ABRAXAS2: variants seen among roughly 807,000 people sequenced by gnomAD.
ABRAXAS2 encodes BRISC complex subunit Abraxas 2.
Under a neutral mutation model 49.0 loss-of-function variants are expected in ABRAXAS2, and 23 were observed. The observed-to-expected ratio is 0.47, with a 90% CI of 0.34 to 0.66. The LOEUF is 0.66. ABRAXAS2 is among the 30% of genes least tolerant of loss of function. The probability of loss-of-function intolerance (pLI) is 0.01; values close to 1 mark genes in which losing one functional copy is unlikely to be tolerated. For missense variants in ABRAXAS2, 443 were observed against 511.9 expected, an observed-to-expected ratio of 0.87 and a Z score of 1.30; for synonymous variants, 168 against 180.2, an observed-to-expected ratio of 0.93 and a Z score of 0.54.
intron 3 of ABRAXAS2, among the ~76,000 whole-genome samples, chr10:124,817,743 C>T (rs1177154496): frequency 6.6e-6 from 1 of 152,124 alleles, no homozygotes; most frequent in Non-Finnish European, 1.5e-5. Flanking sequence ...GTGTCATATT[C>T]ACCCTCGAAC....
chr10:124,808,359 G>A (rs759367686), intron 2 of ABRAXAS2, among the ~76,000 whole-genome samples: 3 of 152,070 alleles, frequency 2.0e-5, no homozygotes, highest in Non-Finnish European at 4.4e-5. Context: ...TGTATTTTTA[G>A]TAGAGACGGG....
rs564703763 is a variant in ABRAXAS2, at chr10:124,836,177, C to T, written c.*1206C>T. On this transcript the variant is annotated 3_prime_UTR_variant, in exon 9 of 9. Coordinates refer to ENST00000298492, the MANE Select transcript of ABRAXAS2 (RefSeq NM_032182.4). ...CATGAGGTTAATACTTGGAGTTTAA[C>T]TGCCTTCCCTTTGAACTAGTTAAAA... 33 of 152,750 alleles carry T rather than the reference C, an allele frequency of 2.2e-4. No individual in the cohort carries two copies. The highest frequency in any genetic ancestry group is 7.7e-4 in the African/African-American group (32 of 41,578). 9.5% of individuals were successfully genotyped at this position (152,750 alleles called of 1,614,324 possible).
At position 124,836,224 on chromosome 10, in the gene ABRAXAS2, T is replaced by G. The variant is rs1335477161; in HGVS notation, c.*1253T>G. ...AAAATCTGTAAGAATAAGGAAGTTG[T>G]TGAAGGCTTAAAATCTGGGTTCTGA... On this transcript the variant is annotated 3_prime_UTR_variant, in exon 9 of 9. Transcript: ENST00000298492. The G allele has an allele frequency of 6.6e-6, 1 of 152,582 alleles. No individual in the cohort carries two copies. The highest frequency in any genetic ancestry group is 1.5e-5 in the Non-Finnish European group (1 of 68,042). 9.5% of individuals were successfully genotyped at this position (152,582 alleles called of 1,614,324 possible). A position where few individuals can be genotyped will look rare whatever the true frequency, so the allele number is the denominator to read the frequency against.
chr10:124,829,482 C>G lies in ABRAXAS2; in HGVS notation c.663+5C>G. On this transcript the variant is annotated splice_donor_5th_base_variant and intron_variant, in intron 7 of 8. Transcript: ENST00000298492. ...GCACTTCAGGAGAAAGTTCAGGTAA[C>G]TGATTTATTTATTAGTTTTCATCTT... 1 of 1,576,000 alleles carries G rather than the reference C, an allele frequency of 6.3e-7. No individual in the cohort carries two copies. Among genetic ancestry groups the G allele is most frequent in the South Asian group, 1.1e-5 (1 of 88,380 alleles).
chr10:124,826,596 A>G lies in ABRAXAS2; in HGVS notation c.269A>G (p.Lys90Arg). The G allele has an allele frequency of 6.3e-7, 1 of 1,599,578 alleles. No homozygotes were observed. The highest frequency in any genetic ancestry group is 1.1e-5 in the South Asian group (1 of 88,870). The change falls in exon 5 of 9, where the codon AAA becomes AGA. Residue 90 changes from lysine to arginine, a missense_variant and splice_region_variant. This residue lies in a region of ABRAXAS2 where 166 missense variants were observed against 247.3 expected (regional missense o/e 0.67). Transcript: ENST00000298492. ...LDRILKDRRKKVIGWYRFRRN... is the reference protein window; with the variant it reads ...LDRILKDRRKRVIGWYRFRRN... ...CAACTTTTCACACTTTTCTTTCAGAAAGTCATTGGGTGGTACAGATTCCGG... is the reference window on the plus strand; with the variant it reads ...CAACTTTTCACACTTTTCTTTCAGAGAGTCATTGGGTGGTACAGATTCCGG...
In ABRAXAS2 at chr10:124,826,826, C is replaced by T. The variant is rs181002343; in HGVS notation, c.458+41C>T. The T allele has an allele frequency of 3.8e-5, 61 of 1,596,424 alleles. 1 individual carries two copies. Among genetic ancestry groups the T allele is most frequent in the Admixed American group, 1.3e-4 (8 of 59,288 alleles). On this transcript the variant is annotated intron_variant, in intron 5 of 8. Transcript: ENST00000298492. ...CCATCTGCCTCACATATAAGAAGGA[C>T]GTTGGGACCAGGCGTGGTGGCTTAC...
At chr10:124,823,212 C>T (rs1245133476) in intron 4 of ABRAXAS2, among the ~76,000 whole-genome samples, 3 of 151,986 alleles carry the variant, frequency 2.0e-5, no homozygotes, top group African/African-American at 7.3e-5. Context: ...TGATATATAA[C>T]ACTTAGATTT....
At chr10:124,831,664 C>G (rs377483475) in intron 8 of ABRAXAS2, among the ~76,000 whole-genome samples, 2 of 151,868 alleles carry the variant, frequency 1.3e-5, no homozygotes, top group East Asian at 1.9e-4. Context: ...TTCTCTGACA[C>G]TTGAAGAAAA....
At chr10:124,813,446 A>G (rs1313750139) in intron 2 of ABRAXAS2, among the ~76,000 whole-genome samples, 1 of 152,200 alleles carries the variant, frequency 6.6e-6, no homozygotes, top group East Asian at 1.9e-4. Flanking sequence ...CAGAAAGAGA[A>G]GCAAGAACAA....
intron 2 of ABRAXAS2, among the ~76,000 whole-genome samples, chr10:124,807,860 T>G (rs1423763665): frequency 6.6e-6 from 1 of 152,142 alleles, no homozygotes; most frequent in African/African-American, 2.4e-5. Context: ...CAATATCACC[T>G]CATACTATAA....
chr10:124,811,012 G>T (rs923367656), intron 2 of ABRAXAS2, among the ~76,000 whole-genome samples: 270 of 150,214 alleles, frequency 1.8e-3, no homozygotes, highest in African/African-American at 6.1e-3. Flanking sequence ...GAGGTCAGGA[G>T]ATCGAGACCA....
chr10:124,816,493 TAAA>T, intron 2 of ABRAXAS2, 80 bp from the exon 3 acceptor site: 2 of 635,208 alleles, frequency 3.1e-6, no homozygotes, highest in Non-Finnish European at 5.1e-6. Context: ...AGATTTTGAT[TAAA>T]AAAAAAAGTC....
chr10:124,807,271 C>G (rs1424927357), intron 2 of ABRAXAS2, among the ~76,000 whole-genome samples: 1 of 113,624 alleles, frequency 8.8e-6, no homozygotes, highest in Non-Finnish European at 1.8e-5. Context: ...CGAGATCGCG[C>G]CACTGCACTC....
At position 124,835,418 on chromosome 10, in the gene ABRAXAS2, G is replaced by A. The variant is rs143981293; in HGVS notation, c.*447G>A. The A allele has an allele frequency of 1.3e-5, 2 of 153,462 alleles. No individual in the cohort carries two copies. The highest frequency in any genetic ancestry group is 4.8e-5 in the African/African-American group (2 of 41,446). The allele number at this position is 153,462 out of a possible 1,614,324, so 9.5% of individuals were successfully genotyped here. A position where few individuals can be genotyped will look rare whatever the true frequency, so the allele number is the denominator to read the frequency against. ...CAGCCTTCAAAGAACTTCTTTCTAT[G>A]ATGAGCCAAATTCATCTTTGCCAGA... On this transcript the variant is annotated 3_prime_UTR_variant, in exon 9 of 9. Transcript: ENST00000298492.
intron 2 of ABRAXAS2, among the ~76,000 whole-genome samples, chr10:124,811,717 G>A (rs112777398): frequency 0.082 from 12,475 of 152,058 alleles, 717 homozygotes; most frequent in East Asian, 0.14. Flanking sequence ...CAGCCTGGGC[G>A]ACAGAGCTAG....
intron 4 of ABRAXAS2, among the ~76,000 whole-genome samples, chr10:124,826,038 A>G (rs1358913334): frequency 6.6e-6 from 1 of 152,258 alleles, no homozygotes; most frequent in African/African-American, 2.4e-5. Context: ...TAGTTATGCT[A>G]TAGTTAGAGC....
chr10:124,826,920 T>C lies in ABRAXAS2; in HGVS notation c.458+135T>C, dbSNP rs1007096458. ...TGAGGTCAAGAGATTGAGACCATCC[T>C]GGCCAACATGGTGAAATTCAAAAAT... On this transcript the variant is annotated intron_variant, in intron 5 of 8. Transcript: ENST00000298492. 32 of 824,728 alleles carry C rather than the reference T, an allele frequency of 3.9e-5. No individual in the cohort carries two copies. In the Admixed American group the frequency reaches 5.0e-4, roughly 13 times the overall value. The allele number at this position is 824,728 out of a possible 1,614,324, so 51.1% of individuals were successfully genotyped here.
chr10:124,809,010 A>G (rs1950766339), intron 2 of ABRAXAS2, among the ~76,000 whole-genome samples: 1 of 152,142 alleles, frequency 6.6e-6, no homozygotes, highest in African/African-American at 2.4e-5. Context: ...ACATGCCTGT[A>G]ATCCCAGCTA....
intron 5 of ABRAXAS2, among the ~76,000 whole-genome samples, chr10:124,828,303 A>G (rs1950909260): frequency 6.6e-6 from 1 of 152,170 alleles, no homozygotes; most frequent in Admixed American, 6.5e-5. Context: ...CTGTCACCTC[A>G]GCCTCTTAAG....
Sources: allele counts gnomAD v4.1 joint callset (sites outside exome capture counted in the v4.1 genomes callset), GRCh38; gene constraint gnomAD v4.1.1; regional missense constraint gnomAD v4.1.1; transcripts MANE v1.5; gene names NCBI Gene and HGNC (gene_info 2026-07-23, HGNC 2026-07-21).